Variants in TTC39C observed in about 807,000 individuals in gnomAD.
The protein encoded by TTC39C is tetratricopeptide repeat protein 39C.
TTC39C carries 33 observed loss-of-function variants against 76.3 expected under a neutral mutation model. The ratio of observed to expected loss-of-function variants is 0.43; its 90% CI spans 0.33 to 0.58. TTC39C has a LOEUF of 0.58. TTC39C is among the 20% of genes least tolerant of loss of function. TTC39C has a pLI of 0.04. For missense variants in TTC39C, 595 were observed against 701.4 expected (o/e 0.85, Z 1.71); for synonymous variants, 254 against 260.6 (o/e 0.97, Z 0.24).
At chr18:24,104,712 GTGTGTGTGTGACTGTGCA>G (rs1262670476) in intron 6 of TTC39C, among the ~76,000 whole-genome samples, 4 of 151,198 alleles carry the variant, frequency 2.6e-5, no homozygotes, top group Non-Finnish European at 4.4e-5. Context: ...GTGTGTGTGT[GTGTGTGTGTGACTGTGCA>G]TGTGTGTGTG....
chr18:24,125,017 C>T (rs989205281), intron 9 of TTC39C, among the ~76,000 whole-genome samples: 5 of 152,160 alleles, frequency 3.3e-5, no homozygotes, highest in Admixed American at 6.5e-5. Flanking sequence ...CTCAGCCTCC[C>T]GAGTAGCTGG....
intron 1 of TTC39C, among the ~76,000 whole-genome samples, chr18:24,051,656 AT>A (rs1471742167): frequency 6.6e-6 from 1 of 152,236 alleles, no homozygotes; most frequent in Non-Finnish European, 1.5e-5. Context: ...CCTAAAGGTC[AT>A]GGTTTGAGTC....
At chr18:24,080,037 A>G (rs2084358236) in intron 4 of TTC39C, among the ~76,000 whole-genome samples, 1 of 152,008 alleles carries the variant, frequency 6.6e-6, no homozygotes, top group South Asian at 2.1e-4. Context: ...CCTGGACTTA[A>G]GTAATCTGCC....
chr18:24,065,383 A>G (rs1166221184), intron 2 of TTC39C, among the ~76,000 whole-genome samples: 3 of 152,224 alleles, frequency 2.0e-5, no homozygotes, highest in Non-Finnish European at 1.5e-5. Context: ...CCTCAGTTCT[A>G]CTGTGTAAAA....
At chr18:24,066,390 C>T (rs1021238857) in intron 3 of TTC39C, among the ~76,000 whole-genome samples, 3 of 152,046 alleles carry the variant, frequency 2.0e-5, no homozygotes, top group Admixed American at 6.6e-5. Flanking sequence ...CATAATGGGC[C>T]GTGTGGGAAG....
chr18:24,090,422 G>A (rs1010736204), intron 6 of TTC39C, among the ~76,000 whole-genome samples: 1 of 152,098 alleles, frequency 6.6e-6, no homozygotes, highest in Admixed American at 6.5e-5. Context: ...TTTCCATAAT[G>A]ATACAAATTA....
rs1285711821 is a variant in TTC39C, at chr18:24,133,875, T to C, written c.*1301T>C. 1.3e-5 allele frequency: 2 copies of C among 151,358 alleles called. No individual in the cohort carries two copies. Among genetic ancestry groups the C allele is most frequent in the African/African-American group, 4.9e-5 (2 of 40,704 alleles). 9.4% of individuals were successfully genotyped at this position (151,358 alleles called of 1,614,324 possible). On this transcript the variant is annotated 3_prime_UTR_variant, in exon 14 of 14. Coordinates refer to ENST00000317571, the MANE Select transcript of TTC39C (RefSeq NM_001135993.2). ...ATATCATTTTAGGGTATCGTTTATT[T>C]ACAAATTCTTTTGGCTGAAACATGA...
intron 7 of TTC39C, among the ~76,000 whole-genome samples, chr18:24,115,690 A>G (rs1271336277): frequency 1.3e-5 from 2 of 152,222 alleles, no homozygotes; most frequent in African/African-American, 4.8e-5. Context: ...TGTGGACACA[A>G]TTGTCTTCCT....
At chr18:24,069,305 T>G (rs974615663) in intron 4 of TTC39C, 34 bp downstream of exon 4, 2 of 1,548,640 alleles carry the variant, frequency 1.3e-6, no homozygotes, top group African/African-American at 2.7e-5. Context: ...TGGTTTTCAG[T>G]ATTCAGTGCA....
At chr18:24,016,997 C>T (rs1464502341) in intron 1 of TTC39C, among the ~76,000 whole-genome samples, 1 of 152,166 alleles carries the variant, frequency 6.6e-6, no homozygotes, top group Non-Finnish European at 1.5e-5. Flanking sequence ...GACACAAACA[C>T]TATAGTTCTA....
intron 8 of TTC39C, among the ~76,000 whole-genome samples, chr18:24,119,308 T>G (rs531304922): frequency 1.4e-4 from 21 of 152,340 alleles, no homozygotes; most frequent in African/African-American, 4.3e-4. Flanking sequence ...GTAAGCCTTT[T>G]CTGGTTTGTG....
chr18:24,000,028 C>T (rs956189082), intron 1 of TTC39C, among the ~76,000 whole-genome samples: 6 of 152,134 alleles, frequency 3.9e-5, no homozygotes, highest in Non-Finnish European at 7.3e-5. Context: ...CAGCAGAAAC[C>T]GGGGCCCAAA....
chr18:24,043,369 A>C (rs75004866), intron 1 of TTC39C, among the ~76,000 whole-genome samples: 1 of 152,146 alleles, frequency 6.6e-6, no homozygotes, highest in South Asian at 2.1e-4. Flanking sequence ...CTCTAAAAAC[A>C]AAAAAGCTAA....
intron 1 of TTC39C, among the ~76,000 whole-genome samples, chr18:24,048,245 C>T (rs995287714): frequency 3.3e-5 from 5 of 152,176 alleles, no homozygotes; most frequent in Admixed American, 2.0e-4. Context: ...ATTTGGAAAA[C>T]GCATACACGT....
chr18:23,997,714 G>GAAAC (rs371784567), intron 1 of TTC39C, among the ~76,000 whole-genome samples: 1 of 150,390 alleles, frequency 6.6e-6, no homozygotes, highest in Admixed American at 6.6e-5. Context: ...AAGAAAGAAA[G>GAAAC]AAAGAAAGAA....
intron 1 of TTC39C, among the ~76,000 whole-genome samples, chr18:24,009,578 G>A (rs955661651): frequency 2.6e-5 from 4 of 152,176 alleles, no homozygotes; most frequent in African/African-American, 9.7e-5. Flanking sequence ...AAAGGGAAGG[G>A]AGGCATAATG....
At chr18:24,009,105 G>A (rs1046447428) in intron 1 of TTC39C, among the ~76,000 whole-genome samples, 5 of 152,172 alleles carry the variant, frequency 3.3e-5, no homozygotes, top group African/African-American at 1.2e-4. Flanking sequence ...TGGTCACTGG[G>A]CTTAGAACCT....
In TTC39C at chr18:24,132,657, A is replaced by T. The variant is rs2085147273; in HGVS notation, c.*83A>T. 1.6e-6 allele frequency: 2 copies of T among 1,223,566 alleles called. No homozygotes were observed. Among genetic ancestry groups the T allele is most frequent in the Admixed American group, 2.4e-5 (1 of 42,106 alleles). 75.8% of individuals were successfully genotyped at this position (1,223,566 alleles called of 1,614,324 possible). ...AGCAGAGGACAAAGCTCTTGTGAAG[A>T]TGGGCTTTTCTTCTGAAAACCACCT... On this transcript the variant is annotated 3_prime_UTR_variant, in exon 14 of 14. Coordinates refer to ENST00000317571, the MANE Select transcript of TTC39C (RefSeq NM_001135993.2).
intron 4 of TTC39C, among the ~76,000 whole-genome samples, chr18:24,075,681 T>G: frequency 8.9e-6 from 1 of 111,922 alleles, no homozygotes; most frequent in African/African-American, 4.3e-5. Flanking sequence ...TGAGACCTTG[T>G]CTCAAAAAAA....
Sources: allele counts gnomAD v4.1 joint callset (sites outside exome capture counted in the v4.1 genomes callset), GRCh38; gene constraint gnomAD v4.1.1; transcripts MANE v1.5; gene names NCBI Gene and HGNC (gene_info 2026-07-23, HGNC 2026-07-21).